Variants in ANKRD27 observed in about 807,000 individuals in gnomAD.
ANKRD27 encodes the protein ankyrin repeat domain-containing protein 27.
A neutral mutation model predicts 129.7 loss-of-function variants in ANKRD27; 112 were observed. The observed-to-expected ratio is 0.86, with a 90% CI of 0.74 to 1.01. The LOEUF (loss-of-function observed/expected upper bound fraction) is 1.01, where lower values mean the gene tolerates loss of function less well. ANKRD27 is among the 50% of genes least tolerant of loss of function. The pLI is 0.00. For missense variants in ANKRD27, 1,258 were observed against 1,300.5 expected, an observed-to-expected ratio of 0.97 and a Z score of 0.50; for synonymous variants, 516 against 511.2, an observed-to-expected ratio of 1.01 and a Z score of -0.13.
In ANKRD27 at chr19:32,658,954, C is replaced by T. The variant is rs545576973; in HGVS notation, c.62G>A (p.Arg21His). The T allele has an allele frequency of 2.2e-5, 35 of 1,614,020 alleles. No homozygotes were observed. The East Asian group carries it at 3.8e-4, about 17-fold the overall frequency. ...GGCCACTTTGCTGCACAAGTCAGGG[C>T]GGCACTTTTGCAGAGCCAGATAGAA... ...NPFYLALQKC[R>H]PDLCSKVAQI... Residue 21 changes from arginine to histidine, a missense_variant, in exon 2 of 29, where the codon CGC (arginine) becomes CAC (histidine). Arg to His is a conservative substitution (Grantham distance 29, BLOSUM62 0). Coordinates refer to ENST00000306065, the MANE Select transcript of ANKRD27 (RefSeq NM_032139.3).
chr19:32,605,678 C>T (rs1971721518), intron 24 of ANKRD27, among the ~76,000 whole-genome samples, 157 bp downstream of exon 24: 1 of 152,152 alleles, frequency 6.6e-6, no homozygotes, highest in South Asian at 2.1e-4. Context: ...CGGAGAACCC[C>T]GTGTGGGAAG....
chr19:32,614,514 G>A (rs1243248689), intron 22 of ANKRD27, among the ~76,000 whole-genome samples: 3 of 151,818 alleles, frequency 2.0e-5, no homozygotes, highest in Non-Finnish European at 4.4e-5. Context: ...GACCAGCCTG[G>A]CCAACATGGT....
intron 1 of ANKRD27, 52 bp from the exon 2 acceptor site, chr19:32,659,097 C>A: frequency 6.0e-6 from 5 of 829,644 alleles, no homozygotes; most frequent in East Asian, 2.6e-5. Context: ...GTTTACGTAA[C>A]ACATGAAAGT....
chr19:32,665,987 T>TG (rs573233351), intron 1 of ANKRD27, among the ~76,000 whole-genome samples: 239 of 152,120 alleles, frequency 1.6e-3, no homozygotes, highest in Middle Eastern at 0.014. Context: ...AGGCTGGTCT[T>TG]GAACTCCTGG....
rs528664599 is a variant in ANKRD27 at position 32,625,597 on chromosome 19, A to G, written c.1629+277T>C. On this transcript the variant is annotated intron_variant, in intron 17 of 28. Coordinates refer to ENST00000306065, the MANE Select transcript of ANKRD27 (RefSeq NM_032139.3). The stretch of plus-strand genomic sequence containing the variant: ...AGGTGCCCGCCACCACGCCCTGCTA[A>G]TTTTTGTATTTTTAGTTGAGATGGG... Among the ~76,000 whole-genome samples the G allele has an allele frequency of 3.9e-5, 6 of 151,964 alleles. No homozygotes were observed. The South Asian group carries it at 1.0e-3, about 26-fold the overall frequency.
intron 22 of ANKRD27, among the ~76,000 whole-genome samples, chr19:32,608,630 C>A (rs923022264): frequency 2.0e-5 from 3 of 151,976 alleles, no homozygotes; most frequent in Non-Finnish European, 4.4e-5. Flanking sequence ...AAATGAAATA[C>A]CCTGCATATT....
chr19:32,639,551 T>C, intron 11 of ANKRD27, 63 bp from the exon 12 acceptor site: 1 of 1,548,972 alleles, frequency 6.5e-7, no homozygotes, highest in Admixed American at 1.8e-5. Flanking sequence ...GCAAAAAAAA[T>C]ATCATTGGCT....
intron 9 of ANKRD27, among the ~76,000 whole-genome samples, chr19:32,642,756 G>A (rs1967225209): frequency 6.6e-6 from 1 of 152,122 alleles, no homozygotes; most frequent in Admixed American, 6.6e-5. Flanking sequence ...AAAAATTAAA[G>A]AAATGAATTA....
chr19:32,648,833 ATGTGT>A (rs1221524071), intron 3 of ANKRD27, among the ~76,000 whole-genome samples: 1 of 151,924 alleles, frequency 6.6e-6, no homozygotes, highest in Non-Finnish European at 1.5e-5. Flanking sequence ...TAATAATAAT[ATGTGT>A]TGAGAGACAG....
At chr19:32,607,979 T>A (rs939258925) in intron 22 of ANKRD27, 147 bp from the exon 23 acceptor site, 3 of 840,744 alleles carry the variant, frequency 3.6e-6, no homozygotes, top group African/African-American at 1.8e-5. Flanking sequence ...TGTTTAGAAG[T>A]ATGTGGCATG....
In ANKRD27 at chr19:32,604,247, G is replaced by A; in HGVS notation, c.2655+16C>T. On this transcript the variant is annotated intron_variant, in intron 25 of 28. Coordinates refer to ENST00000306065, the MANE Select transcript of ANKRD27 (RefSeq NM_032139.3). ...GAGCTCAGGATTCCCTCGGCTCTTCGACCCTCTCCACCTACCTGTTCAGCA... is the reference window on the plus strand; with the variant it reads ...GAGCTCAGGATTCCCTCGGCTCTTCAACCCTCTCCACCTACCTGTTCAGCA... 2 of 1,585,792 alleles carry A rather than the reference G, an allele frequency of 1.3e-6. No individual in the cohort carries two copies. The highest frequency in any genetic ancestry group is 1.7e-6 in the Non-Finnish European group (2 of 1,159,236).
intron 2 of ANKRD27, among the ~76,000 whole-genome samples, chr19:32,656,147 A>G (rs988023448): frequency 6.8e-6 from 1 of 146,394 alleles, no homozygotes; most frequent in South Asian, 2.4e-4. Context: ...GAAAAAGAAA[A>G]GCCTGAAGTG....
intron 1 of ANKRD27, among the ~76,000 whole-genome samples, chr19:32,670,818 C>A (rs889966773): frequency 1.3e-5 from 2 of 152,038 alleles, no homozygotes; most frequent in Non-Finnish European, 2.9e-5. Context: ...ATGGTGAAAC[C>A]CTGTCTCTAC....
At chr19:32,621,913 C>T (rs527421614) in intron 18 of ANKRD27, among the ~76,000 whole-genome samples, 4 of 152,262 alleles carry the variant, frequency 2.6e-5, no homozygotes, top group Middle Eastern at 3.4e-3. Flanking sequence ...CACTGACTCA[C>T]GAGAGGGGAG....
At chr19:32,610,002 C>A (rs959730739) in intron 22 of ANKRD27, among the ~76,000 whole-genome samples, 1 of 151,894 alleles carries the variant, frequency 6.6e-6, no homozygotes, top group Non-Finnish European at 1.5e-5. Context: ...ACAGCCAAGA[C>A]CCTGTCTCTA....
chr19:32,660,462 G>A (rs1329559044), intron 1 of ANKRD27, among the ~76,000 whole-genome samples: 1 of 152,204 alleles, frequency 6.6e-6, no homozygotes, highest in East Asian at 1.9e-4. Flanking sequence ...AGGTTGCAGT[G>A]AGCAGAGATC....
rs756043262 is a variant in ANKRD27 at position 32,649,764 on chromosome 19, G to A, written c.131C>T (p.Ser44Leu). The A allele has an allele frequency of 2.4e-5, 38 of 1,613,854 alleles. No individual in the cohort carries two copies. The highest frequency in any genetic ancestry group is 1.3e-4 in the East Asian group (6 of 44,898). The part of the protein sequence containing the change: ...IVLVPCKGSL[S>L]SSIQSTCQFE... ...CTGACAAGTAGACTGGATGCTGCTC[G>A]ACAGGCTTCCTTTGCAGGGTACTAA... Residue 44 changes from serine (S) to leucine (L), a missense_variant, in exon 3 of 29, where the codon TCG becomes TTG. Physicochemically the swap from Ser to Leu is moderately radical, Grantham distance 145 (BLOSUM62 -2). Coordinates refer to ENST00000306065, the MANE Select transcript of ANKRD27 (RefSeq NM_032139.3).
rs761754846 is a variant in ANKRD27 at position 32,598,239 on chromosome 19, C to T, written c.3059G>A (p.Arg1020Gln). 70 of 1,614,120 alleles carry T rather than the reference C, an allele frequency of 4.3e-5. No homozygotes were observed. Among genetic ancestry groups the T allele is most frequent in the Admixed American group, 2.3e-4 (14 of 60,010 alleles). The change falls in exon 29 of 29, where the codon CGG becomes CAG. Residue 1020 changes from arginine to glutamine, a missense_variant. Physicochemically the swap from Arg to Gln is conservative, Grantham distance 43 (BLOSUM62 1). Transcript: ENST00000306065. ...GACCGCATCCTCTACCGTGTGTCTCCGCAGCATCCGTCTGTGTCCAGGGCC... is the reference window on the plus strand; with the variant it reads ...GACCGCATCCTCTACCGTGTGTCTCTGCAGCATCCGTCTGTGTCCAGGGCC... ...QTGPGHRRMLRRHTVEDAVVS... is the reference protein window; with the variant it reads ...QTGPGHRRMLQRHTVEDAVVS...
Position 32,600,026 on chromosome 19 carries a change from G to T in ANKRD27, c.2792C>A (p.Pro931Gln), listed in dbSNP as rs1458833516. 6.2e-7 allele frequency: 1 copy of T among 1,612,348 alleles called. No individual in the cohort carries two copies. The highest frequency in any genetic ancestry group is 1.7e-5 in the Admixed American group (1 of 59,928). ...KKWNSKLYDL[P>Q]DEPFTRQFYF... ...AAACTGTCTTGTAAAAGGCTCATCT[G>T]GTAGATCATACAGTTTTGAGTTCCC... Residue 931 changes from proline (P) to glutamine (Q), a missense_variant, in exon 27 of 29, where the codon CCA (proline) becomes CAA (glutamine). Pro to Gln is a moderately conservative substitution (Grantham distance 76). Coordinates refer to ENST00000306065, the MANE Select transcript of ANKRD27 (RefSeq NM_032139.3).
Sources: allele counts gnomAD v4.1 joint callset (sites outside exome capture counted in the v4.1 genomes callset), GRCh38; gene constraint gnomAD v4.1.1; transcripts MANE v1.5; gene names NCBI Gene and HGNC (gene_info 2026-07-23, HGNC 2026-07-21).